The following SEC24B variants were observed in gnomAD, a reference collection of about 807,000 sequenced individuals.
The protein encoded by SEC24B is SEC24 homolog B, COPII component.
SEC24B carries 45 observed loss-of-function variants against 142.8 expected under a neutral mutation model. That is an observed-to-expected ratio of 0.32 (90% CI 0.25 to 0.40). The LOEUF (loss-of-function observed/expected upper bound fraction) is 0.40. Ranked by LOEUF, SEC24B falls within the 10% of genes least tolerant of loss-of-function variation. The probability of loss-of-function intolerance (pLI) is 1.00; values close to 1 mark genes in which losing one functional copy is unlikely to be tolerated. For missense variants in SEC24B, 1,409 were observed against 1,526.8 expected (o/e 0.92, Z 1.29); for synonymous variants, 574 against 568.2 (o/e 1.01, Z -0.15).
chr4:109,520,160 A>C (rs1205745014), intron 11 of SEC24B, among the ~76,000 whole-genome samples: 1 of 152,200 alleles, frequency 6.6e-6, no homozygotes, highest in South Asian at 2.1e-4. Flanking sequence ...AAGATATACT[A>C]TTGTTCTAAT....
At chr4:109,494,950 C>T in intron 6 of SEC24B, 94 bp downstream of exon 6, 2 of 1,462,894 alleles carry the variant, frequency 1.4e-6, no homozygotes, top group East Asian at 2.3e-5. Context: ...CCAAGTGGAA[C>T]TTAGGTACAA....
At chr4:109,474,276 A>G (rs1050375743) in intron 3 of SEC24B, among the ~76,000 whole-genome samples, 1 of 152,242 alleles carries the variant, frequency 6.6e-6, no homozygotes, top group African/African-American at 2.4e-5. Flanking sequence ...TCACAAATCA[A>G]AAAAGCTTTT....
intron 6 of SEC24B, among the ~76,000 whole-genome samples, chr4:109,505,745 G>A (rs1318787092): frequency 1.3e-5 from 2 of 152,096 alleles, no homozygotes; most frequent in East Asian, 3.8e-4. Context: ...TAGTGTGTAA[G>A]AAAGCAAGGA....
chr4:109,486,763 G>A (rs1734396203), intron 4 of SEC24B, among the ~76,000 whole-genome samples: 2 of 152,216 alleles, frequency 1.3e-5, no homozygotes, highest in African/African-American at 4.8e-5. Context: ...GCTGAAAGCA[G>A]TATTTTGCTT....
chr4:109,482,161 T>C (rs1370500357), intron 4 of SEC24B, among the ~76,000 whole-genome samples: 1 of 152,240 alleles, frequency 6.6e-6, no homozygotes, highest in Non-Finnish European at 1.5e-5. Context: ...GCTACTTTAG[T>C]CTAATCAAAA....
intron 9 of SEC24B, among the ~76,000 whole-genome samples, chr4:109,513,221 G>A (rs554228297): frequency 1.4e-3 from 202 of 149,398 alleles, no homozygotes; most frequent in African/African-American, 4.7e-3. Flanking sequence ...GATCTTCCCC[G>A]CCTCAGCCTC....
intron 1 of SEC24B, among the ~76,000 whole-genome samples, chr4:109,439,877 T>C (rs1015420956): frequency 1.3e-5 from 2 of 151,104 alleles, no homozygotes; most frequent in African/African-American, 2.4e-5. Context: ...TCCAAGCACT[T>C]TGGGAGGCTG....
chr4:109,487,649 A>G (rs1009568874), intron 4 of SEC24B, among the ~76,000 whole-genome samples: 5 of 152,230 alleles, frequency 3.3e-5, no homozygotes, highest in African/African-American at 1.2e-4. Flanking sequence ...TAATGGCATG[A>G]CCTCTGATTA....
intron 7 of SEC24B, 90 bp downstream of exon 7, chr4:109,506,602 G>T (rs933283602): frequency 1.9e-4 from 176 of 950,630 alleles, no homozygotes; most frequent in Non-Finnish European, 2.3e-4. Context: ...TTATTTCTTC[G>T]GTTGGAAGTT....
intron 1 of SEC24B, among the ~76,000 whole-genome samples, chr4:109,446,266 C>T (rs1411839979): frequency 1.3e-5 from 2 of 152,274 alleles, no homozygotes; most frequent in African/African-American, 4.8e-5. Flanking sequence ...AAGTCAGAGC[C>T]AGCAGCGAAG....
chr4:109,487,471 G>A (rs1338665506), intron 4 of SEC24B, among the ~76,000 whole-genome samples: 3 of 152,154 alleles, frequency 2.0e-5, no homozygotes, highest in African/African-American at 7.2e-5. Context: ...ACAAGTAGAA[G>A]CCAAATTTTG....
chr4:109,512,862 A>G (rs755759658), intron 9 of SEC24B, among the ~76,000 whole-genome samples: 2 of 150,578 alleles, frequency 1.3e-5, no homozygotes, highest in South Asian at 2.1e-4. Context: ...GGGTCTCGCT[A>G]TGTTGGCCAG....
chr4:109,466,673 G>A (rs1310632859), intron 2 of SEC24B, among the ~76,000 whole-genome samples: 1 of 152,182 alleles, frequency 6.6e-6, no homozygotes, highest in African/African-American at 2.4e-5. Context: ...GCCTCCCAAA[G>A]TGCTGGGATT....
chr4:109,496,280 T>C lies in SEC24B; in HGVS notation c.1488+1424T>C, dbSNP rs143822248. 2.6e-3 allele frequency among the ~76,000 whole-genome samples: 401 copies of C among 152,110 alleles called. 1 individual carries two copies. Among genetic ancestry groups the C allele is most frequent in the African/African-American group, 9.1e-3 (377 of 41,506 alleles). ...GGTGCCCACCACCATGCCCGGCTAA[T>C]TTTTGTATTTTTAGTAGAGATGGGG... On this transcript the variant is annotated intron_variant, in intron 6 of 23. Transcript: ENST00000265175.
chr4:109,448,434 C>T (rs1376334974), intron 1 of SEC24B, among the ~76,000 whole-genome samples: 1 of 152,088 alleles, frequency 6.6e-6, no homozygotes, highest in Non-Finnish European at 1.5e-5. Flanking sequence ...TTTAGACTTA[C>T]AGAAGTGTTG....
At chr4:109,478,216 G>A (rs1403729073) in intron 3 of SEC24B, among the ~76,000 whole-genome samples, 1 of 151,846 alleles carries the variant, frequency 6.6e-6, no homozygotes, top group Non-Finnish European at 1.5e-5. Flanking sequence ...AACCGGGGAG[G>A]CAGAGGTTGC....
chr4:109,469,838 A>G (rs559814369), intron 2 of SEC24B, among the ~76,000 whole-genome samples: 1 of 152,312 alleles, frequency 6.6e-6, no homozygotes. Flanking sequence ...GAAAGACAAC[A>G]TGAAAAAAAG....
rs188978560 is a variant in SEC24B at position 109,494,596 on chromosome 4, A to G, written c.1247-19A>G. The stretch of plus-strand genomic sequence containing the variant: ...GTCTTGATTTTCAGTTGTTAACACC[A>G]TGTGTTTCCATTTTTTAGATATGCT... On this transcript the variant is annotated intron_variant, in intron 5 of 23. Transcript: ENST00000265175. 3.1e-6 allele frequency: 5 copies of G among 1,613,228 alleles called. No individual in the cohort carries two copies. Among genetic ancestry groups the G allele is most frequent in the East Asian group, 2.2e-5 (1 of 44,884 alleles).
At chr4:109,517,896 T>A (rs34710885) in intron 11 of SEC24B, among the ~76,000 whole-genome samples, 11,810 of 152,240 alleles carry the variant, frequency 0.078, 594 homozygotes, top group Middle Eastern at 0.18. Flanking sequence ...GAACTGATTT[T>A]GTGCTAAATA....
Sources: allele counts gnomAD v4.1 joint callset (sites outside exome capture counted in the v4.1 genomes callset), GRCh38; gene constraint gnomAD v4.1.1; transcripts MANE v1.5; gene names NCBI Gene and HGNC (gene_info 2026-07-23, HGNC 2026-07-21).